The following ADAMTSL1 variants were observed in gnomAD, a reference collection of about 807,000 sequenced individuals.
ADAMTSL1 encodes the protein ADAMTS like 1, also known as ADAMTS-like protein 1.
Under a neutral mutation model 201.8 loss-of-function variants are expected in ADAMTSL1, and 126 were observed. The ratio of observed to expected loss-of-function variants is 0.62; its 90% CI spans 0.54 to 0.72. ADAMTSL1 has a LOEUF of 0.72. Ranked by LOEUF, ADAMTSL1 falls within the 30% of genes least tolerant of loss-of-function variation. The pLI is 0.00. For missense variants in ADAMTSL1, 2,679 were observed against 2,277.8 expected (o/e 1.18, Z -3.59); for synonymous variants, 1,121 against 903.4 (o/e 1.24, Z -4.32).
chr9:18,844,942 AC>A (rs892568369), intron 23 of ADAMTSL1, among the ~76,000 whole-genome samples: 8 of 152,062 alleles, frequency 5.3e-5, no homozygotes, highest in African/African-American at 1.9e-4. Context: ...GCCGTCTGTC[AC>A]CCCTTTCTTT....
chr9:18,692,794 G>GA (rs766879227), intron 13 of ADAMTSL1, among the ~76,000 whole-genome samples: 2 of 152,180 alleles, frequency 1.3e-5, no homozygotes, highest in Non-Finnish European at 2.9e-5. Context: ...ATTAAGCTGA[G>GA]AACTACAAAT....
At chr9:17,958,536 G>A (rs1314654928) in intron 1 of ADAMTSL1, among the ~76,000 whole-genome samples, 1 of 152,128 alleles carries the variant, frequency 6.6e-6, no homozygotes, top group Non-Finnish European at 1.5e-5. Context: ...CCTAGATGAG[G>A]AACAGCTCAT....
At chr9:18,502,214 C>T (rs1822880086) in intron 1 of ADAMTSL1, among the ~76,000 whole-genome samples, 1 of 152,176 alleles carries the variant, frequency 6.6e-6, no homozygotes, top group African/African-American at 2.4e-5. Context: ...TAACGGATAG[C>T]ATCAAAGTTT....
At chr9:18,565,749 C>A (rs1051398696) in intron 3 of ADAMTSL1, among the ~76,000 whole-genome samples, 1 of 152,240 alleles carries the variant, frequency 6.6e-6, no homozygotes, top group African/African-American at 2.4e-5. Context: ...GTTGTCTCCA[C>A]GCAGACTGTC....
chr9:18,162,153 G>C (rs1044518380), intron 1 of ADAMTSL1, among the ~76,000 whole-genome samples: 3 of 151,984 alleles, frequency 2.0e-5, no homozygotes, highest in Non-Finnish European at 4.4e-5. Context: ...TCTCATCTAG[G>C]ACTGGGGTCC....
In ADAMTSL1 at chr9:18,908,234, G is replaced by A. The variant is rs532976975; in HGVS notation, c.5183-208G>A. ...CCCATCATTCAGCCAGACAGCTGCAGGCTGGTGCCACCCCTGCTGTTGGCA... is the reference window on the plus strand; with the variant it reads ...CCCATCATTCAGCCAGACAGCTGCAAGCTGGTGCCACCCCTGCTGTTGGCA... On this transcript the variant is annotated intron_variant, in intron 28 of 28. Coordinates refer to ENST00000380548, the MANE Select transcript of ADAMTSL1 (RefSeq NM_001040272.6). 1.5e-5 allele frequency: 9 copies of A among 583,190 alleles called. No homozygotes were observed. In the Admixed American group the frequency reaches 1.6e-4, roughly 10 times the overall value. The allele number at this position is 583,190 out of a possible 1,614,324, so 36.1% of individuals were successfully genotyped here.
intron 1 of ADAMTSL1, among the ~76,000 whole-genome samples, chr9:17,945,807 G>T (rs1290712496): frequency 8.2e-6 from 1 of 122,428 alleles, no homozygotes; most frequent in Non-Finnish European, 1.6e-5. Context: ...CACACTCTGG[G>T]GACTGTTGTG....
chr9:18,311,088 G>A (rs1257094071), intron 2 of ADAMTSL1, among the ~76,000 whole-genome samples: 3 of 151,996 alleles, frequency 2.0e-5, no homozygotes, highest in South Asian at 2.1e-4. Flanking sequence ...ATCATTCTCA[G>A]CAAAGTAACA....
At chr9:18,069,412 C>G (rs1378634414) in intron 1 of ADAMTSL1, among the ~76,000 whole-genome samples, 6 of 152,140 alleles carry the variant, frequency 3.9e-5, no homozygotes, top group African/African-American at 1.4e-4. Context: ...TATATACATA[C>G]ATACATACAT....
chr9:17,973,106 C>A (rs1241580737), intron 1 of ADAMTSL1, among the ~76,000 whole-genome samples: 1 of 85,984 alleles, frequency 1.2e-5, no homozygotes. Context: ...TTCTCCCATT[C>A]TGTAGGTTGC....
At chr9:18,418,526 A>G (rs1818794583) in intron 2 of ADAMTSL1, among the ~76,000 whole-genome samples, 1 of 152,230 alleles carries the variant, frequency 6.6e-6, no homozygotes, top group Non-Finnish European at 1.5e-5. Flanking sequence ...GTAGCAGGAT[A>G]CAAGATGATT....
intron 15 of ADAMTSL1, among the ~76,000 whole-genome samples, chr9:18,734,618 G>A (rs1818402708): frequency 6.6e-6 from 1 of 152,206 alleles, no homozygotes; most frequent in South Asian, 2.1e-4. Flanking sequence ...AGCCATAACA[G>A]TCATGTTAGA....
chr9:18,761,229 A>G (rs1343836708), intron 16 of ADAMTSL1, among the ~76,000 whole-genome samples: 1 of 152,226 alleles, frequency 6.6e-6, no homozygotes, highest in Admixed American at 6.5e-5. Flanking sequence ...ATATCAAGGA[A>G]ATCAACTCAG....
intron 4 of ADAMTSL1, among the ~76,000 whole-genome samples, chr9:18,602,929 T>C (rs771292726): frequency 6.6e-6 from 1 of 152,204 alleles, no homozygotes; most frequent in Non-Finnish European, 1.5e-5. Flanking sequence ...ACTTACTTTC[T>C]AAATACTCCC....
intron 21 of ADAMTSL1, among the ~76,000 whole-genome samples, chr9:18,825,503 T>C (rs780010325): frequency 6.6e-6 from 1 of 152,172 alleles, no homozygotes; most frequent in Non-Finnish European, 1.5e-5. Flanking sequence ...TACATAAGAG[T>C]GTCAACTCCA....
Position 18,776,944 on chromosome 9 carries a change from C to T in ADAMTSL1, c.2715C>T (p.Arg905=). The T allele has an allele frequency of 6.2e-6, 10 of 1,600,026 alleles. No individual in the cohort carries two copies. Among genetic ancestry groups the T allele is most frequent in the Non-Finnish European group, 7.7e-6 (9 of 1,172,920 alleles). Residue 905 remains arginine (R), a synonymous_variant, in exon 19 of 29, where the codon CGC becomes CGT. Transcript: ENST00000380548. ...VVLRCPARRV[R]KPLITWEKDG... is the part of the protein sequence containing the mutation. The stretch of plus-strand genomic sequence containing the variant: ...TGCGCTGCCCGGCGCGCAGGGTCCG[C>T]AAGCCCCTCATCACCTGGGAGAAGG...
intron 16 of ADAMTSL1, among the ~76,000 whole-genome samples, chr9:18,754,260 TATA>T (rs1391225356): frequency 1.5e-4 from 23 of 152,346 alleles, no homozygotes; most frequent in African/African-American, 5.3e-4. Context: ...ACCAGGCATA[TATA>T]ATAATAACAC....
At chr9:18,632,094 A>G (rs1826818473) in intron 5 of ADAMTSL1, among the ~76,000 whole-genome samples, 1 of 152,314 alleles carries the variant, frequency 6.6e-6, no homozygotes, top group Non-Finnish European at 1.5e-5. Flanking sequence ...CGCCAGCTAT[A>G]CTAATGGCAT....
chr9:18,705,048 G>A (rs1832153281), intron 13 of ADAMTSL1, among the ~76,000 whole-genome samples: 2 of 152,186 alleles, frequency 1.3e-5, no homozygotes, highest in South Asian at 4.1e-4. Context: ...GACCACCCCT[G>A]TTCCACATGA....
Sources: gnomAD v4.1 joint callset for allele counts (sites outside exome capture counted in the v4.1 genomes callset) on GRCh38, gnomAD v4.1.1 for gene constraint, MANE v1.5 for transcripts, NCBI Gene and HGNC (gene_info 2026-07-23, HGNC 2026-07-21) for gene names.